The following USO1 variants were observed in gnomAD, a reference collection of about 807,000 sequenced individuals.
USO1 encodes the protein general vesicular transport factor p115.
In USO1, 57 loss-of-function variants were observed where a neutral mutation model predicts 124.5. The observed-to-expected ratio is 0.46, with a 90% confidence interval of 0.37 to 0.57. The LOEUF (loss-of-function observed/expected upper bound fraction) is 0.57. Ranked by LOEUF, USO1 falls within the 20% of genes least tolerant of loss-of-function variation. The pLI, the probability that USO1 is intolerant of heterozygous loss-of-function variation, is 0.00. For synonymous variants in USO1, 369 were observed against 362.8 expected (o/e 1.02, Z -0.19); for missense variants, 900 against 1,040.6 (o/e 0.86, Z 1.86).
intron 1 of USO1, among the ~76,000 whole-genome samples, chr4:75,747,730 G>A (rs200810642): frequency 1.4e-4 from 19 of 137,352 alleles, no homozygotes; most frequent in East Asian, 2.2e-4. Flanking sequence ...CTGCCTCAGC[G>A]TCCTGAGTAG....
At chr4:75,762,463 G>C (rs1721644882) in intron 4 of USO1, among the ~76,000 whole-genome samples, 1 of 151,434 alleles carries the variant, frequency 6.6e-6, no homozygotes, top group African/African-American at 2.4e-5. Flanking sequence ...CGCCCAGCCA[G>C]AACAATATTT....
chr4:75,806,462 A>G (rs1001507945), intron 19 of USO1, 24 bp from the exon 20 acceptor site: 2 of 1,551,018 alleles, frequency 1.3e-6, no homozygotes, highest in Non-Finnish European at 1.7e-6. Flanking sequence ...TATATTTTAT[A>G]GTTTATTTTT....
rs543937768 is a variant in USO1 at position 75,725,102 on chromosome 4, C to G, written c.66+217C>G. On this transcript the variant is annotated intron_variant, in intron 1 of 23. Coordinates refer to ENST00000514213, the MANE Select transcript of USO1 (RefSeq NM_003715.4). ...TGCTGCCGTTCGGCCGGACTGACGG[C>G]GGCCGCGCCCCGCAGCTCTGTAGGC... 140 of 590,676 alleles carry G rather than the reference C, an allele frequency of 2.4e-4. 1 individual carries two copies. The South Asian group carries it at 2.8e-3, about 12-fold the overall frequency. The allele number at this position is 590,676 out of a possible 1,614,324, so 36.6% of individuals were successfully genotyped here. A position where few individuals can be genotyped will look rare whatever the true frequency, so the allele number is the denominator to read the frequency against.
At chr4:75,765,860 A>T (rs913110780) in intron 4 of USO1, among the ~76,000 whole-genome samples, 1 of 152,160 alleles carries the variant, frequency 6.6e-6, no homozygotes, top group African/African-American at 2.4e-5. Context: ...TATGATTATT[A>T]TCAGGCCTTT....
intron 1 of USO1, among the ~76,000 whole-genome samples, chr4:75,746,078 C>G (rs1721119829): frequency 6.6e-6 from 1 of 152,058 alleles, no homozygotes; most frequent in Non-Finnish European, 1.5e-5. Flanking sequence ...CTTAGGTGGT[C>G]CAGGGGACCA....
chr4:75,808,724 T>G (rs910669689), intron 20 of USO1, among the ~76,000 whole-genome samples: 4 of 137,988 alleles, frequency 2.9e-5, no homozygotes, highest in Non-Finnish European at 6.3e-5. Flanking sequence ...CTCCCCTCCC[T>G]TCCTGTCTTT....
chr4:75,799,873 G>A, intron 14 of USO1, 141 bp downstream of exon 14: 1 of 965,414 alleles, frequency 1.0e-6, no homozygotes, highest in East Asian at 2.8e-5. Context: ...AACTGTTAAA[G>A]TTGTTATGAT....
At chr4:75,756,757 C>T (rs1264665567) in intron 3 of USO1, among the ~76,000 whole-genome samples, 1 of 151,998 alleles carries the variant, frequency 6.6e-6, no homozygotes, top group Non-Finnish European at 1.5e-5. Flanking sequence ...AGGTGATCCA[C>T]CTGCCTCAGC....
chr4:75,775,658 G>A (rs901305980), intron 8 of USO1, among the ~76,000 whole-genome samples: 2 of 152,140 alleles, frequency 1.3e-5, no homozygotes, highest in Admixed American at 1.3e-4. Context: ...CTGCCTAGGT[G>A]CAAATATAGA....
chr4:75,734,718 C>CT (rs55928639), intron 1 of USO1, among the ~76,000 whole-genome samples: 954 of 47,412 alleles, frequency 0.02, 296 homozygotes, highest in African/African-American at 0.04. Flanking sequence ...GGCAGTATGG[C>CT]TTTTTTTTTT....
chr4:75,752,691 T>A (rs1220714376), intron 3 of USO1, 87 bp downstream of exon 3: 4 of 393,810 alleles, frequency 1.0e-5, no homozygotes, highest in Non-Finnish European at 1.8e-5. Flanking sequence ...AGATTGCTTT[T>A]TTTTTGGTAT....
chr4:75,806,674 A>G, intron 20 of USO1, 102 bp downstream of exon 20: 2 of 1,415,190 alleles, frequency 1.4e-6, no homozygotes, highest in Non-Finnish European at 9.4e-7. Context: ...AGCAGATGTA[A>G]GTAAAATTTA....
chr4:75,741,528 C>T (rs1489535721), intron 1 of USO1, among the ~76,000 whole-genome samples: 2 of 151,204 alleles, frequency 1.3e-5, no homozygotes, highest in Admixed American at 1.3e-4. Flanking sequence ...AACACAAACA[C>T]ATTGTACGAT....
intron 13 of USO1, among the ~76,000 whole-genome samples, chr4:75,797,493 A>G (rs1289222991): frequency 2.9e-5 from 4 of 136,506 alleles, no homozygotes; most frequent in African/African-American, 1.1e-4. Flanking sequence ...CTTTTTTTTT[A>G]CAGTGTCCCT....
intron 1 of USO1, chr4:75,744,860 A>G (rs2149147265): frequency 6.4e-6 from 3 of 470,162 alleles, no homozygotes; most frequent in South Asian, 1.6e-5. Flanking sequence ...TTTGTTTTCT[A>G]TTGCTGCAGT....
chr4:75,802,216 A>G (rs1045570815), intron 17 of USO1, among the ~76,000 whole-genome samples: 3 of 152,232 alleles, frequency 2.0e-5, no homozygotes, highest in Non-Finnish European at 4.4e-5. Context: ...CAATCAATAA[A>G]TTATAATCTT....
In USO1 at chr4:75,793,828, G is replaced by T; in HGVS notation, c.1379G>T (p.Arg460Met). 6.2e-7 allele frequency: 1 copy of T among 1,613,956 alleles called. No individual in the cohort carries two copies. The highest frequency in any genetic ancestry group is 8.5e-7 in the Non-Finnish European group (1 of 1,179,876). ...ENATQKEQLLRVQLATSIGNP... is the reference protein window; with the variant it reads ...ENATQKEQLLMVQLATSIGNP... ...GCCACCCAGAAAGAACAGTTGCTCAGGGTTCAACTTGCTACAAGTATTGGC... is the reference window on the plus strand; with the variant it reads ...GCCACCCAGAAAGAACAGTTGCTCATGGTTCAACTTGCTACAAGTATTGGC... Residue 460 changes from arginine to methionine, a missense_variant, in exon 13 of 24, where the codon AGG (arginine) becomes ATG (methionine). By Grantham distance (91) the Arg-to-Met change is moderately conservative. Transcript: ENST00000514213.
intron 11 of USO1, 135 bp downstream of exon 11, chr4:75,790,373 T>C (rs900112017): frequency 8.0e-7 from 1 of 1,257,516 alleles, no homozygotes; most frequent in Non-Finnish European, 1.1e-6. Context: ...TCTGACAAGA[T>C]AAATGATATT....
intron 1 of USO1, among the ~76,000 whole-genome samples, chr4:75,729,331 G>A (rs1720560868): frequency 6.6e-6 from 1 of 151,502 alleles, no homozygotes; most frequent in Non-Finnish European, 1.5e-5. Context: ...CTTCTATCTA[G>A]CACCTTTTTT....
Sources: gnomAD v4.1 joint callset for allele counts (sites outside exome capture counted in the v4.1 genomes callset) on GRCh38, gnomAD v4.1.1 for gene constraint, MANE v1.5 for transcripts, NCBI Gene and HGNC (gene_info 2026-07-23, HGNC 2026-07-21) for gene names.